Variants in MAP3K20 observed in about 807,000 individuals in gnomAD.
The protein encoded by MAP3K20 is mitogen-activated protein kinase kinase kinase 20, also known as HCCS-4.
A neutral mutation model predicts 85.7 loss-of-function variants in MAP3K20; 40 were observed. The observed-to-expected ratio is 0.47, with a 90% confidence interval of 0.36 to 0.61. MAP3K20 has a LOEUF of 0.61. Among genes scored for constraint, MAP3K20 ranks in the 20% least tolerant of loss-of-function variants. The pLI is 0.00. For synonymous variants in MAP3K20, 325 were observed against 327.7 expected (o/e 0.99, Z 0.09); for missense variants, 817 against 961.7 (o/e 0.85, Z 1.99).
intron 2 of MAP3K20, among the ~76,000 whole-genome samples, chr2:173,123,778 AT>A (rs35552132): frequency 0.064 from 9,500 of 149,406 alleles, 882 homozygotes; most frequent in East Asian, 0.51. Flanking sequence ...CACCCAGTAC[AT>A]TTTTTTTTTT....
intron 2 of MAP3K20, among the ~76,000 whole-genome samples, chr2:173,164,921 G>C (rs1189096727): frequency 6.6e-6 from 1 of 152,090 alleles, no homozygotes; most frequent in East Asian, 1.9e-4. Flanking sequence ...GACCTCCCAG[G>C]TTAATCAACA....
intron 16 of MAP3K20, among the ~76,000 whole-genome samples, chr2:173,245,159 CA>C (rs1236266252): frequency 9.2e-5 from 14 of 152,128 alleles, no homozygotes; most frequent in African/African-American, 3.4e-4. Context: ...GTCATTTCCA[CA>C]ACTTGAAGCC....
intron 2 of MAP3K20, among the ~76,000 whole-genome samples, chr2:173,110,187 A>AT: frequency 7.3e-6 from 1 of 137,632 alleles, no homozygotes; most frequent in South Asian, 2.3e-4. Context: ...AAATATATAT[A>AT]ATATATGTTA....
rs558100970 is a variant in MAP3K20 at position 173,123,694 on chromosome 2, T to C, written c.159+32504T>C. Among the ~76,000 whole-genome samples, 13 of 152,332 alleles carry C rather than the reference T, an allele frequency of 8.5e-5. No individual in the cohort carries two copies. In the South Asian group the frequency reaches 1.9e-3, roughly 22 times the overall value. On this transcript the variant is annotated intron_variant, in intron 2 of 19. Transcript: ENST00000375213. Reference sequence around the variant, plus strand: ...CTTTCCAGGTTTCAGGTCCCATTCTTTTTTAATCAGTACCCTAACTTTCAC... The same window carrying C: ...CTTTCCAGGTTTCAGGTCCCATTCTCTTTTAATCAGTACCCTAACTTTCAC...
At chr2:173,258,851 A>T (rs2106354445) in intron 17 of MAP3K20, 36 bp downstream of exon 17, 1 of 1,289,544 alleles carries the variant, frequency 7.8e-7, no homozygotes, top group Non-Finnish European at 1.1e-6. Context: ...GCTCTTTTGA[A>T]TTCACAGATA....
At chr2:173,208,735 A>G (rs886723909) in intron 9 of MAP3K20, among the ~76,000 whole-genome samples, 1 of 152,212 alleles carries the variant, frequency 6.6e-6, no homozygotes, top group Non-Finnish European at 1.5e-5. Flanking sequence ...AAGCCACCTC[A>G]ACATTGTTTC....
intron 2 of MAP3K20, among the ~76,000 whole-genome samples, chr2:173,169,296 C>G (rs969612329): frequency 6.6e-6 from 1 of 152,174 alleles, no homozygotes; most frequent in African/African-American, 2.4e-5. Flanking sequence ...CCTCTTTTAT[C>G]GCTTCTTCAA....
intron 1 of MAP3K20, among the ~76,000 whole-genome samples, chr2:173,081,766 T>C (rs1478184316): frequency 1.3e-5 from 2 of 152,166 alleles, no homozygotes; most frequent in Non-Finnish European, 2.9e-5. Flanking sequence ...TTCTCCATGA[T>C]GTTTGGTGTC....
chr2:173,184,729 C>T (rs1028133320), intron 4 of MAP3K20, among the ~76,000 whole-genome samples: 1 of 151,576 alleles, frequency 6.6e-6, no homozygotes, highest in Non-Finnish European at 1.5e-5. Context: ...GCCAACAAGG[C>T]GAAACCCTGT....
At chr2:173,183,301 C>G (rs534711780) in intron 4 of MAP3K20, among the ~76,000 whole-genome samples, 1 of 152,238 alleles carries the variant, frequency 6.6e-6, no homozygotes, top group African/African-American at 2.4e-5. Flanking sequence ...CTGAAAGTCT[C>G]TACTTAGACT....
At chr2:173,212,620 C>T (rs1190793310) in intron 10 of MAP3K20, 1 of 151,844 alleles carries the variant, frequency 6.6e-6, no homozygotes, top group East Asian at 1.9e-4. Flanking sequence ...CAACGTAGAC[C>T]TCATCTCTAC....
chr2:173,157,964 T>C (rs1689526389), intron 2 of MAP3K20, among the ~76,000 whole-genome samples: 1 of 152,252 alleles, frequency 6.6e-6, no homozygotes, highest in Admixed American at 6.5e-5. Context: ...TTGTTCGTTT[T>C]ATTCTGTATT....
At chr2:173,234,307 G>A (rs532438115) in intron 14 of MAP3K20, among the ~76,000 whole-genome samples, 60 of 152,210 alleles carry the variant, frequency 3.9e-4, no homozygotes, top group African/African-American at 1.4e-3. Context: ...CATGCTGAGC[G>A]GTATCATTTA....
At chr2:173,228,122 A>G (rs1684436043) in intron 11 of MAP3K20, among the ~76,000 whole-genome samples, 1 of 152,242 alleles carries the variant, frequency 6.6e-6, no homozygotes, top group Non-Finnish European at 1.5e-5. Flanking sequence ...CAGGTAGCAG[A>G]GTATACGCAG....
At position 173,241,474 on chromosome 2, in the gene MAP3K20, G is replaced by A. The variant is rs898725863; in HGVS notation, c.1359+1978G>A. Among the ~76,000 whole-genome samples the A allele has an allele frequency of 7.2e-5, 11 of 152,102 alleles. No homozygotes were observed. The South Asian group carries it at 8.3e-4, about 11-fold the overall frequency. On this transcript the variant is annotated intron_variant, in intron 16 of 19. Transcript: ENST00000375213. ...CAAAAAATACAAAAAGTAGCTGGGT[G>A]TAGTCGTGTAAGCCTGTAGTCCTAG...
At position 173,203,789 on chromosome 2, in the gene MAP3K20, A is replaced by C. The variant is rs769162394; in HGVS notation, c.670-7A>C. The C allele has an allele frequency of 7.5e-5, 120 of 1,609,736 alleles. No homozygotes were observed. The East Asian group carries it at 2.6e-3, about 35-fold the overall frequency. On this transcript the variant is annotated splice_region_variant and splice_polypyrimidine_tract_variant and intron_variant, in intron 8 of 19. Coordinates refer to ENST00000375213, the MANE Select transcript of MAP3K20 (RefSeq NM_016653.3). Reference sequence around the variant, plus strand: ...TATTTTGTTTTGTTTCCCTCTGTCTATTGTAGAGATTAACCATTCCAAGCA... The same window carrying C: ...TATTTTGTTTTGTTTCCCTCTGTCTCTTGTAGAGATTAACCATTCCAAGCA...
chr2:173,173,043 G>C (rs1173184659), intron 3 of MAP3K20, among the ~76,000 whole-genome samples: 1 of 152,104 alleles, frequency 6.6e-6, no homozygotes, highest in Non-Finnish European at 1.5e-5. Context: ...GCCTGCCTCA[G>C]CCTCCCAAAG....
intron 16 of MAP3K20, among the ~76,000 whole-genome samples, chr2:173,256,447 C>G (rs563701476): frequency 6.6e-6 from 1 of 151,024 alleles, no homozygotes; most frequent in Admixed American, 6.6e-5. Context: ...GGCAACATAG[C>G]GAGACACTAA....
intron 1 of MAP3K20, among the ~76,000 whole-genome samples, chr2:173,086,886 G>A (rs1687159262): frequency 6.6e-6 from 1 of 152,208 alleles, no homozygotes. Context: ...CTGGGATTCA[G>A]AGGGACCCAG....
Sources: gnomAD v4.1 joint callset for allele counts (sites outside exome capture counted in the v4.1 genomes callset) on GRCh38, gnomAD v4.1.1 for gene constraint, MANE v1.5 for transcripts, NCBI Gene and HGNC (gene_info 2026-07-23, HGNC 2026-07-21) for gene names.